Variants in AP2A1 observed in about 807,000 individuals in gnomAD.
AP2A1 encodes the protein adaptor related protein complex 2 subunit alpha 1, also known as AP-2 complex subunit alpha-1.
A neutral mutation model predicts 107.3 loss-of-function variants in AP2A1; 21 were observed. The observed-to-expected ratio is 0.20, with a 90% confidence interval of 0.14 to 0.28. AP2A1 has a LOEUF of 0.28. Among genes scored for constraint, AP2A1 ranks in the 10% least tolerant of loss-of-function variants. The pLI is 1.00. For synonymous variants in AP2A1, 602 were observed against 564.8 expected (o/e 1.07, Z -0.93); for missense variants, 873 against 1,307.7 (o/e 0.67, Z 5.13).
intron 7 of AP2A1, among the ~76,000 whole-genome samples, chr19:49,798,546 A>C (rs2073238987): frequency 6.6e-6 from 1 of 152,100 alleles, no homozygotes; most frequent in South Asian, 2.1e-4. Flanking sequence ...CTTGCCCGAG[A>C]GGGTCAGAGC....
chr19:49,777,054 C>T (rs1193277246), intron 1 of AP2A1, among the ~76,000 whole-genome samples: 1 of 149,388 alleles, frequency 6.7e-6, no homozygotes, highest in African/African-American at 2.5e-5. Flanking sequence ...CATGGTGAAA[C>T]CCTGTCTCTA....
At position 49,806,945 on chromosome 19, in the gene AP2A1, GT is replaced by G; in HGVS notation, c.*189del. 6.5e-7 allele frequency: 1 copy of G among 1,533,892 alleles called. No individual in the cohort carries two copies. The highest frequency in any genetic ancestry group is 8.7e-7 in the Non-Finnish European group (1 of 1,146,720). Reference sequence around the variant, plus strand: ...TCTGCTGCTGTTTACATTCTGGGGGGTTAGGGGGAGTCCCCCTCCCTCCCTT... The same window carrying G: ...TCTGCTGCTGTTTACATTCTGGGGGGTAGGGGGAGTCCCCCTCCCTCCCTT... On this transcript the variant is annotated 3_prime_UTR_variant, in exon 23 of 23. Transcript: ENST00000354293.
chr19:49,771,729 A>G (rs1252487444), intron 1 of AP2A1, among the ~76,000 whole-genome samples: 1 of 151,850 alleles, frequency 6.6e-6, no homozygotes, highest in Non-Finnish European at 1.5e-5. Flanking sequence ...TTTTTTTTAA[A>G]TGGGGAAAGA....
intron 6 of AP2A1, among the ~76,000 whole-genome samples, chr19:49,793,764 G>A (rs1054237033): frequency 2.0e-5 from 3 of 152,092 alleles, no homozygotes; most frequent in South Asian, 2.1e-4. Flanking sequence ...GTGAGTCCAC[G>A]AAGGCTTCCT....
intron 4 of AP2A1, among the ~76,000 whole-genome samples, chr19:49,791,584 G>A (rs2073143036): frequency 6.6e-6 from 1 of 152,158 alleles, no homozygotes; most frequent in Non-Finnish European, 1.5e-5. Flanking sequence ...AGCCCTGTGA[G>A]GACAAGTGTT....
chr19:49,772,795 C>T (rs544655149), intron 1 of AP2A1, among the ~76,000 whole-genome samples: 2 of 152,072 alleles, frequency 1.3e-5, no homozygotes, highest in East Asian at 3.9e-4. Flanking sequence ...CCACCGCGCC[C>T]GGCCCAAGAA....
chr19:49,769,281 C>A (rs1378082114), intron 1 of AP2A1, among the ~76,000 whole-genome samples: 2 of 152,008 alleles, frequency 1.3e-5, no homozygotes, highest in East Asian at 3.9e-4. Context: ...AAAGAAACTC[C>A]TGTCCTTGGG....
At chr19:49,767,523 A>G (rs926810596) in intron 1 of AP2A1, among the ~76,000 whole-genome samples, 3 of 151,996 alleles carry the variant, frequency 2.0e-5, no homozygotes, top group African/African-American at 7.3e-5. Flanking sequence ...CTTACAAACG[A>G]TGGGGTTAGA....
At chr19:49,781,233 A>G (rs1395448717) in intron 1 of AP2A1, among the ~76,000 whole-genome samples, 1 of 151,864 alleles carries the variant, frequency 6.6e-6, no homozygotes, top group Non-Finnish European at 1.5e-5. Context: ...GCCACGCGGG[A>G]GAGGACAAAG....
In AP2A1 at chr19:49,801,135, T is replaced by TGATGGGCTCC. The variant is rs1568586976; in HGVS notation, c.1553+77_1553+78insGATGGGCTCC. The TGATGGGCTCC allele has an allele frequency of 1.9e-4, 257 of 1,383,718 alleles. No individual in the cohort carries two copies. In the East Asian group the frequency reaches 6.2e-3, roughly 34 times the overall value. The allele number at this position is 1,383,718 out of a possible 1,614,324, so 85.7% of individuals were successfully genotyped here. ...AGGGCTTGGGGGATCCCCAGGGGTC[T>TGATGGGCTCC]CAGGGCAGGCAGTGATGGGCTCCCA... On this transcript the variant is annotated intron_variant, in intron 12 of 22. Coordinates refer to ENST00000354293, the MANE Select transcript of AP2A1 (RefSeq NM_130787.3).
chr19:49,774,523 G>A (rs2084597266), intron 1 of AP2A1, among the ~76,000 whole-genome samples: 1 of 152,038 alleles, frequency 6.6e-6, no homozygotes, highest in African/African-American at 2.4e-5. Context: ...GCACCAAAAT[G>A]CAAGCCATAT....
intron 6 of AP2A1, among the ~76,000 whole-genome samples, chr19:49,794,740 G>A (rs938117185): frequency 1.2e-4 from 19 of 152,022 alleles, no homozygotes; most frequent in African/African-American, 4.6e-4. Context: ...TTGGCTCACT[G>A]CAACCTCTGC....
Position 49,780,921 on chromosome 19 carries a change from C to T in AP2A1, c.68-836C>T, listed in dbSNP as rs185214825. ...AGTAGCCCGATTGGCGTGAGGATGT[C>T]CAGGTTCTGTTTGGAGGAGAAGAGG... On this transcript the variant is annotated intron_variant, in intron 1 of 22. Coordinates refer to ENST00000354293, the MANE Select transcript of AP2A1 (RefSeq NM_130787.3). 2.0e-5 allele frequency among the ~76,000 whole-genome samples: 3 copies of T among 151,878 alleles called. No homozygotes were observed. The East Asian group carries it at 5.8e-4, about 29-fold the overall frequency.
Position 49,805,437 on chromosome 19 carries a change from G to A in AP2A1, c.2345-16G>A. On this transcript the variant is annotated splice_polypyrimidine_tract_variant and intron_variant, in intron 18 of 22. Coordinates refer to ENST00000354293, the MANE Select transcript of AP2A1 (RefSeq NM_130787.3). ...CCCACCTCCTCTGTCTGGCTTCCTT[G>A]ACTCCTGGCGGGCACAGCTGGCTGT... is the stretch of plus-strand genomic sequence containing the variant. 7.2e-6 allele frequency: 11 copies of A among 1,525,626 alleles called. No homozygotes were observed. The highest frequency in any genetic ancestry group is 9.7e-6 in the Non-Finnish European group (11 of 1,130,040). The allele number at this position is 1,525,626 out of a possible 1,614,324, so 94.5% of individuals were successfully genotyped here.
intron 7 of AP2A1, chr19:49,797,055 C>CT (rs2073222841): frequency 6.6e-6 from 1 of 152,196 alleles, no homozygotes; most frequent in Non-Finnish European, 1.5e-5. Flanking sequence ...TCAAGAAGGG[C>CT]TTAAGTCATG....
At chr19:49,796,047 C>T (rs1012045949) in intron 7 of AP2A1, 3 of 328,364 alleles carry the variant, frequency 9.1e-6, no homozygotes, top group Admixed American at 4.5e-5. Flanking sequence ...GAATCTGAGG[C>T]TTGGAGAGGG....
At position 49,805,674 on chromosome 19, in the gene AP2A1, C is replaced by T. The variant is rs558229310; in HGVS notation, c.2482C>T (p.Pro828Ser). Residue 828 changes from proline to serine, a missense_variant, in exon 20 of 23, where the codon CCC (proline) becomes TCC (serine). Pro to Ser is a moderately conservative substitution (Grantham distance 74). Transcript: ENST00000354293. The part of the protein sequence containing the change: ...LSVRFRYGGA[P>S]QALTLKLPVT... ...TCACCTCATCAGGTACGGTGGCGCC[C>T]CCCAGGCCCTCACCCTGAAGCTCCC... 31 of 1,563,362 alleles carry T rather than the reference C, an allele frequency of 2.0e-5. No homozygotes were observed. The African/African-American group carries it at 3.7e-4, about 19-fold the overall frequency.
In AP2A1 at chr19:49,781,799, T is replaced by C; in HGVS notation, c.110T>C (p.Leu37Pro). The change falls in exon 2 of 23, where the codon CTG becomes CCG. Residue 37 changes from leucine to proline, a missense_variant. Physicochemically the swap from Leu to Pro is moderately conservative, Grantham distance 98 (BLOSUM62 -3). Transcript: ENST00000354293. ...EAEIKRINKE[L>P]ANIRSKFKGD... Reference sequence around the variant, plus strand: ...GAAATTAAGAGAATCAACAAGGAACTGGCCAACATCCGCTCCAAGTTCAAA... The same window carrying C: ...GAAATTAAGAGAATCAACAAGGAACCGGCCAACATCCGCTCCAAGTTCAAA... 6.2e-7 allele frequency: 1 copy of C among 1,608,676 alleles called. No individual in the cohort carries two copies. Among genetic ancestry groups the C allele is most frequent in the Non-Finnish European group, 8.5e-7 (1 of 1,177,362 alleles).
chr19:49,792,525 C>T (rs2073159240), intron 5 of AP2A1, among the ~76,000 whole-genome samples: 1 of 151,944 alleles, frequency 6.6e-6, no homozygotes, highest in Non-Finnish European at 1.5e-5. Context: ...TGTCCAGAAA[C>T]CCTCCCATCC....
Sources: gnomAD v4.1 joint callset for allele counts (sites outside exome capture counted in the v4.1 genomes callset) on GRCh38, gnomAD v4.1.1 for gene constraint, MANE v1.5 for transcripts, NCBI Gene and HGNC (gene_info 2026-07-23, HGNC 2026-07-21) for gene names.